The following MAP3K20 variants were observed in gnomAD, a reference collection of about 807,000 sequenced individuals.
MAP3K20 encodes mitogen-activated protein kinase kinase kinase 20.
Under a neutral mutation model 85.7 loss-of-function variants are expected in MAP3K20, and 40 were observed. The ratio of observed to expected loss-of-function variants is 0.47; its 90% CI spans 0.36 to 0.61. MAP3K20 has a LOEUF of 0.61. Among genes scored for constraint, MAP3K20 ranks in the 20% least tolerant of loss-of-function variants. MAP3K20 has a pLI of 0.00. For synonymous variants in MAP3K20, 325 were observed against 327.7 expected (o/e 0.99, Z 0.09); for missense variants, 817 against 961.7 (o/e 0.85, Z 1.99).
chr2:173,232,779 C>T (rs1684552183), intron 14 of MAP3K20, among the ~76,000 whole-genome samples: 1 of 152,238 alleles, frequency 6.6e-6, no homozygotes, highest in South Asian at 2.1e-4. Context: ...GCTGGGATTA[C>T]AGGCGTGAGC....
intron 4 of MAP3K20, among the ~76,000 whole-genome samples, chr2:173,183,712 T>C (rs1411895975): frequency 6.6e-6 from 1 of 152,196 alleles, no homozygotes; most frequent in Non-Finnish European, 1.5e-5. Flanking sequence ...ATTTGTATTC[T>C]AGCAACCCCT....
Position 173,266,685 on chromosome 2 carries a change from C to A in MAP3K20, c.2338C>A (p.Pro780Thr). Residue 780 changes from proline (P) to threonine (T), a missense_variant, in exon 20 of 20, where the codon CCA (proline) becomes ACA (threonine). Physicochemically the swap from Pro to Thr is conservative, Grantham distance 38 (BLOSUM62 -1). This residue lies in a region of MAP3K20 where 454 missense variants were observed against 476.9 expected (regional missense o/e 0.95). Coordinates refer to ENST00000375213, the MANE Select transcript of MAP3K20 (RefSeq NM_016653.3). ...KVEYRKKPHR[P>T]SPAKTNKERA... is the part of the protein sequence containing the mutation. ...GGAATACCGGAAAAAGCCCCACAGG[C>A]CATCTCCCGCCAAAACCAATAAAGA... The A allele has an allele frequency of 6.3e-7, 1 of 1,598,740 alleles. No individual in the cohort carries two copies. The highest frequency in any genetic ancestry group is 8.5e-7 in the Non-Finnish European group (1 of 1,172,640).
In MAP3K20 at chr2:173,190,824, GT is replaced by G. The variant is rs745927594; in HGVS notation, c.416-64del. On this transcript the variant is annotated intron_variant, in intron 5 of 19. Coordinates refer to ENST00000375213, the MANE Select transcript of MAP3K20 (RefSeq NM_016653.3). ...TTGAAGACAGAAATAGAAGTTTATG[GT>G]TTTTTTCAGTAGAAGACAGCTCAAA... 26 of 1,340,700 alleles carry G rather than the reference GT, an allele frequency of 1.9e-5. No individual in the cohort carries two copies. The East Asian group carries it at 3.7e-4, about 19-fold the overall frequency. 83.1% of individuals were successfully genotyped at this position (1,340,700 alleles called of 1,614,324 possible). A position where few individuals can be genotyped will look rare whatever the true frequency, so the allele number is the denominator to read the frequency against.
intron 2 of MAP3K20, among the ~76,000 whole-genome samples, chr2:173,162,175 T>C (rs1025532892): frequency 5.9e-5 from 9 of 152,208 alleles, no homozygotes; most frequent in African/African-American, 2.2e-4. Context: ...ACATAATTTT[T>C]ATTTTTCAAA....
intron 8 of MAP3K20, among the ~76,000 whole-genome samples, chr2:173,199,641 A>G (rs1424251803): frequency 6.6e-6 from 1 of 151,262 alleles, no homozygotes; most frequent in African/African-American, 2.4e-5. Context: ...CACTATTCCA[A>G]GATAAACTAG....
intron 2 of MAP3K20, among the ~76,000 whole-genome samples, chr2:173,153,013 ATAAT>A (rs796664728): frequency 4.6e-5 from 7 of 152,334 alleles, no homozygotes; most frequent in East Asian, 1.9e-4. Context: ...TTGAGACTAA[ATAAT>A]TAAACCATAT....
chr2:173,240,007 A>G (rs1684744553), intron 16 of MAP3K20, among the ~76,000 whole-genome samples: 1 of 152,204 alleles, frequency 6.6e-6, no homozygotes, highest in Admixed American at 6.5e-5. Context: ...TAGCCTGTGA[A>G]TTAGAATTAT....
chr2:173,196,395 A>G (rs1418190781), intron 7 of MAP3K20, among the ~76,000 whole-genome samples: 3 of 152,058 alleles, frequency 2.0e-5, no homozygotes, highest in Non-Finnish European at 4.4e-5. Flanking sequence ...TGTGGTGTTC[A>G]CTAGAATTGT....
chr2:173,186,715 TAA>T (rs1056542556), intron 4 of MAP3K20, among the ~76,000 whole-genome samples: 1 of 152,094 alleles, frequency 6.6e-6, no homozygotes, highest in African/African-American at 2.4e-5. Flanking sequence ...ACTTGAGAAA[TAA>T]AGAGGATATA....
intron 7 of MAP3K20, among the ~76,000 whole-genome samples, chr2:173,196,230 C>T (rs565109856): frequency 5.9e-5 from 9 of 152,136 alleles, no homozygotes; most frequent in South Asian, 2.1e-4. Context: ...ACTTGCCCTT[C>T]GTATCTTTTC....
intron 2 of MAP3K20, among the ~76,000 whole-genome samples, chr2:173,126,278 G>T (rs1308715422): frequency 6.6e-6 from 1 of 152,158 alleles, no homozygotes; most frequent in African/African-American, 2.4e-5. Context: ...CTGACGTTGG[G>T]CAAGAAAGAG....
rs567858530 is a variant in MAP3K20 at position 173,120,141 on chromosome 2, A to G, written c.159+28951A>G. Among the ~76,000 whole-genome samples, 12 of 152,310 alleles carry G rather than the reference A, an allele frequency of 7.9e-5. No individual in the cohort carries two copies. In the South Asian group the frequency reaches 2.3e-3, roughly 29 times the overall value. ...CAAAGGGAAAATCCCCAAAGCTGCT[A>G]TAGTCCACATTTCTGTAACTAGTCA... On this transcript the variant is annotated intron_variant, in intron 2 of 19. Coordinates refer to ENST00000375213, the MANE Select transcript of MAP3K20 (RefSeq NM_016653.3).
chr2:173,125,893 A>G lies in MAP3K20; in HGVS notation c.159+34703A>G, dbSNP rs569240239. 8.5e-5 allele frequency among the ~76,000 whole-genome samples: 13 copies of G among 152,170 alleles called. No homozygotes were observed. In the East Asian group the frequency reaches 1.2e-3, roughly 14 times the overall value. Reference sequence around the variant, plus strand: ...TAGCCAGGATGGTCTCGATCTCCTGACCTCATGATCCACCTGCCTCGGCCT... The same window carrying G: ...TAGCCAGGATGGTCTCGATCTCCTGGCCTCATGATCCACCTGCCTCGGCCT... On this transcript the variant is annotated intron_variant, in intron 2 of 19. Transcript: ENST00000375213.
chr2:173,122,655 T>G (rs188319607), intron 2 of MAP3K20, among the ~76,000 whole-genome samples: 20 of 152,316 alleles, frequency 1.3e-4, no homozygotes, highest in African/African-American at 4.1e-4. Flanking sequence ...CCACTGGACC[T>G]ACGTTTTGTT....
At chr2:173,162,550 G>A (rs576470706) in intron 2 of MAP3K20, among the ~76,000 whole-genome samples, 1 of 152,042 alleles carries the variant, frequency 6.6e-6, no homozygotes, top group Non-Finnish European at 1.5e-5. Flanking sequence ...GCCAGGTGTG[G>A]TGGTAGGCGC....
At chr2:173,194,154 TGCTGGTTTGCCTCACA>T (rs1690750015) in intron 7 of MAP3K20, among the ~76,000 whole-genome samples, 1 of 152,344 alleles carries the variant, frequency 6.6e-6, no homozygotes, top group East Asian at 1.9e-4. Context: ...TTGCTTGGAA[TGCTGGTTTGCCTCACA>T]GAATGTTGTG....
At chr2:173,115,810 G>C (rs1311991550) in intron 2 of MAP3K20, among the ~76,000 whole-genome samples, 1 of 152,094 alleles carries the variant, frequency 6.6e-6, no homozygotes, top group Admixed American at 6.5e-5. Context: ...CTGTTCTGGT[G>C]GAGGTGGCGG....
chr2:173,209,468 T>C (rs1429136607), intron 9 of MAP3K20, among the ~76,000 whole-genome samples: 2 of 152,186 alleles, frequency 1.3e-5, no homozygotes, highest in African/African-American at 4.8e-5. Context: ...ACAAAAAACA[T>C]GAATTATCCC....
intron 7 of MAP3K20, among the ~76,000 whole-genome samples, chr2:173,194,112 G>A (rs1690747836): frequency 6.6e-6 from 1 of 152,164 alleles, no homozygotes; most frequent in Non-Finnish European, 1.5e-5. Context: ...TTTTAAAACA[G>A]CTTCTGCTGT....
Sources: gnomAD v4.1 joint callset for allele counts (sites outside exome capture counted in the v4.1 genomes callset) on GRCh38, gnomAD v4.1.1 for gene constraint, gnomAD v4.1.1 regional missense constraint, MANE v1.5 for transcripts, NCBI Gene and HGNC (gene_info 2026-07-23, HGNC 2026-07-21) for gene names.